Variants in SPATA13 observed in about 807,000 individuals in gnomAD.
SPATA13 encodes spermatogenesis associated 13.
A neutral mutation model predicts 104.0 loss-of-function variants in SPATA13; 50 were observed. That is an observed-to-expected ratio of 0.48 (90% confidence interval 0.38 to 0.61). The LOEUF is 0.61. SPATA13 is among the 20% of genes least tolerant of loss of function. SPATA13 has a pLI of 0.00. For missense variants in SPATA13, 1,524 were observed against 1,690.6 expected, an observed-to-expected ratio of 0.90 and a Z score of 1.73; for synonymous variants, 606 against 667.5, an observed-to-expected ratio of 0.91 and a Z score of 1.42.
At chr13:24,068,519 A>C (rs1196902631) in intron 3 of SPATA13, among the ~76,000 whole-genome samples, 1 of 152,140 alleles carries the variant, frequency 6.6e-6, no homozygotes. Context: ...TTGTCAAATG[A>C]TATTTCTGTC....
At chr13:24,097,554 A>G (rs1378034706) in intron 3 of SPATA13, among the ~76,000 whole-genome samples, 2 of 152,158 alleles carry the variant, frequency 1.3e-5, no homozygotes, top group African/African-American at 4.8e-5. Flanking sequence ...TTTGAATCCT[A>G]ACATGAAAAC....
intron 3 of SPATA13, among the ~76,000 whole-genome samples, chr13:24,041,181 A>ACC (rs1303143380): frequency 1.3e-5 from 2 of 152,244 alleles, no homozygotes. Context: ...GTAGCTCAGA[A>ACC]CCACACTGGA....
At chr13:24,201,254 A>T (rs976951946) in intron 1 of SPATA13, among the ~76,000 whole-genome samples, 2 of 151,884 alleles carry the variant, frequency 1.3e-5, no homozygotes, top group Non-Finnish European at 2.9e-5. Flanking sequence ...GCCACTCATC[A>T]TCAGCTGTTT....
At chr13:24,108,042 G>T (rs554998341) in intron 3 of SPATA13, among the ~76,000 whole-genome samples, 1 of 152,292 alleles carries the variant, frequency 6.6e-6, no homozygotes, top group Non-Finnish European at 1.5e-5. Flanking sequence ...GCACTGGTAG[G>T]CTCGGTGTCT....
intron 3 of SPATA13, among the ~76,000 whole-genome samples, chr13:24,080,280 T>A (rs1175470054): frequency 6.6e-6 from 1 of 152,164 alleles, no homozygotes; most frequent in Non-Finnish European, 1.5e-5. Flanking sequence ...TTTACTGCTG[T>A]AAACAAATGG....
chr13:24,070,750 C>A (rs1879128943), intron 3 of SPATA13, among the ~76,000 whole-genome samples: 1 of 152,194 alleles, frequency 6.6e-6, no homozygotes, highest in East Asian at 1.9e-4. Flanking sequence ...GAACGGAAGG[C>A]TGACCCTCCC....
chr13:24,293,133 A>G (rs554014071), intron 9 of SPATA13, among the ~76,000 whole-genome samples: 2 of 151,934 alleles, frequency 1.3e-5, no homozygotes, highest in African/African-American at 4.8e-5. Context: ...AGTTAGGACT[A>G]AAGGAATTAG....
chr13:24,123,194 G>A, intron 3 of SPATA13: 1 of 1,403,182 alleles, frequency 7.1e-7, no homozygotes, highest in East Asian at 2.3e-5. Flanking sequence ...TGAATGGTGT[G>A]ATATATTCTT....
chr13:24,125,916 T>G (rs1476073709), intron 3 of SPATA13, among the ~76,000 whole-genome samples: 1 of 152,156 alleles, frequency 6.6e-6, no homozygotes, highest in Non-Finnish European at 1.5e-5. Flanking sequence ...GAATGTGGAT[T>G]TCAAATGTTC....
intron 3 of SPATA13, among the ~76,000 whole-genome samples, chr13:24,036,463 A>T (rs1877686051): frequency 6.6e-6 from 1 of 152,226 alleles, no homozygotes; most frequent in Non-Finnish European, 1.5e-5. Flanking sequence ...GAGTTTCTTG[A>T]CAAGTGTGGT....
Position 24,160,925 on chromosome 13 carries a change from C to G in SPATA13, c.-119C>G, listed in dbSNP as rs1249518642. 2 of 985,554 alleles carry G rather than the reference C, an allele frequency of 2.0e-6. No individual in the cohort carries two copies. The highest frequency in any genetic ancestry group is 3.5e-5 in the African/African-American group (2 of 57,222). 61.1% of individuals were successfully genotyped at this position (985,554 alleles called of 1,614,324 possible). A position where few individuals can be genotyped will look rare whatever the true frequency, so the allele number is the denominator to read the frequency against. On this transcript the variant is annotated 5_prime_UTR_variant, in exon 1 of 13. Coordinates refer to ENST00000382108, the MANE Select transcript of SPATA13 (RefSeq NM_001166271.3). Reference sequence around the variant, plus strand: ...CTTTGTAGGCTCCGCCAAGAGGCGCCGCAGGAGGTAAGACGGCTTCGGGCG... The same window carrying G: ...CTTTGTAGGCTCCGCCAAGAGGCGCGGCAGGAGGTAAGACGGCTTCGGGCG...
At chr13:24,152,588 A>G (rs1882128383) in intron 3 of SPATA13, among the ~76,000 whole-genome samples, 1 of 152,222 alleles carries the variant, frequency 6.6e-6, no homozygotes, top group Non-Finnish European at 1.5e-5. Context: ...CCAGCCCCAC[A>G]GCTCCCACAT....
At chr13:23,984,152 G>A in intron 2 of SPATA13, among the ~76,000 whole-genome samples, 1 of 152,238 alleles carries the variant, frequency 6.6e-6, no homozygotes, top group East Asian at 1.9e-4. Context: ...CTAGGGCGAA[G>A]CCTGCAGGTC....
chr13:24,210,234 C>T (rs1294969411), intron 1 of SPATA13, among the ~76,000 whole-genome samples: 1 of 151,934 alleles, frequency 6.6e-6, no homozygotes, highest in East Asian at 1.9e-4. Flanking sequence ...CATGGGTTAC[C>T]TTATTTTGTT....
intron 3 of SPATA13, among the ~76,000 whole-genome samples, chr13:24,052,978 A>G (rs890374598): frequency 6.6e-6 from 1 of 150,976 alleles, no homozygotes; most frequent in Admixed American, 6.6e-5. Context: ...TCTACCTTGC[A>G]TAACAGCTCT....
At chr13:24,027,135 T>A (rs1186080152) in intron 3 of SPATA13, among the ~76,000 whole-genome samples, 2 of 6,626 alleles carry the variant, frequency 3.0e-4, no homozygotes, top group Non-Finnish European at 1.7e-3. Flanking sequence ...TGTTTAGCCG[T>A]TTTTTTTTTT....
intron 4 of SPATA13, among the ~76,000 whole-genome samples, chr13:24,280,016 T>A (rs1330027255): frequency 6.6e-6 from 1 of 152,242 alleles, no homozygotes; most frequent in Non-Finnish European, 1.5e-5. Flanking sequence ...CTTTTTTCTT[T>A]ACTTTTTTCT....
In SPATA13 at chr13:24,302,659, C is replaced by T; in HGVS notation, c.3720C>T (p.His1240=). ...GCCTGCACCCCATCCACCAGCGCCA[C>T]ATCACTATGCCCACAAGCGTCCCCC... ...HQGLHPIHQR[H]ITMPTSVPQQ... is the part of the protein sequence containing the mutation. Residue 1240 remains histidine (H), a synonymous_variant, in exon 13 of 13, where the codon CAC becomes CAT. Transcript: ENST00000382108. 1 of 1,614,062 alleles carries T rather than the reference C, an allele frequency of 6.2e-7. No homozygotes were observed. Among genetic ancestry groups the T allele is most frequent in the Non-Finnish European group, 8.5e-7 (1 of 1,180,018 alleles).
At chr13:24,032,291 G>T (rs1156615260) in intron 3 of SPATA13, among the ~76,000 whole-genome samples, 1 of 152,092 alleles carries the variant, frequency 6.6e-6, no homozygotes, top group Non-Finnish European at 1.5e-5. Flanking sequence ...CACTGAGCCT[G>T]CTCTCTCTCC....
Sources: gnomAD v4.1 joint callset for allele counts (sites outside exome capture counted in the v4.1 genomes callset) on GRCh38, gnomAD v4.1.1 for gene constraint, MANE v1.5 for transcripts, NCBI Gene and HGNC (gene_info 2026-07-23, HGNC 2026-07-21) for gene names.